ADAMTS18: variants seen among roughly 807,000 people sequenced by gnomAD.
ADAMTS18 encodes the protein ADAM metallopeptidase with thrombospondin type 1 motif 18, also known as A disintegrin and metalloproteinase with thrombospondin motifs 18.
In ADAMTS18, 157 loss-of-function variants were observed where a neutral mutation model predicts 165.9. That is an observed-to-expected ratio of 0.95 (90% confidence interval 0.83 to 1.08). The LOEUF (loss-of-function observed/expected upper bound fraction) is 1.08, where lower values mean the gene tolerates loss of function less well. ADAMTS18 is among the 50% of genes least tolerant of loss of function. ADAMTS18 has a pLI of 0.00. For synonymous variants in ADAMTS18, 782 were observed against 578.2 expected (o/e 1.35, Z -5.06); for missense variants, 2,040 against 1,534.0 (o/e 1.33, Z -5.51).
chr16:77,347,265 G>A (rs1247344952), intron 10 of ADAMTS18, among the ~76,000 whole-genome samples: 1 of 152,088 alleles, frequency 6.6e-6, no homozygotes, highest in Admixed American at 6.6e-5. Context: ...GAATGTTCTT[G>A]GACAAGCCTT....
intron 3 of ADAMTS18, among the ~76,000 whole-genome samples, chr16:77,392,187 G>C (rs1341750303): frequency 6.6e-6 from 1 of 152,164 alleles, no homozygotes; most frequent in African/African-American, 2.4e-5. Context: ...CCAAACCCTT[G>C]GCTGGCTCCT....
intron 3 of ADAMTS18, among the ~76,000 whole-genome samples, chr16:77,398,046 G>A (rs1328314493): frequency 6.6e-6 from 1 of 152,172 alleles, no homozygotes. Flanking sequence ...GCCGGGCATG[G>A]TGGCTCACAC....
At chr16:77,321,408 C>A (rs531932745) in intron 14 of ADAMTS18, among the ~76,000 whole-genome samples, 68 of 152,134 alleles carry the variant, frequency 4.5e-4, no homozygotes, top group Admixed American at 1.5e-3. Context: ...AGTTGTATAA[C>A]TCATCTAAGG....
At chr16:77,327,675 A>T (rs2056119500) in intron 12 of ADAMTS18, among the ~76,000 whole-genome samples, 1 of 152,196 alleles carries the variant, frequency 6.6e-6, no homozygotes, top group Admixed American at 6.5e-5. Context: ...GTGTTAAGGA[A>T]ATCTGTAAAC....
At chr16:77,350,468 T>A (rs2056540008) in intron 10 of ADAMTS18, among the ~76,000 whole-genome samples, 1 of 152,126 alleles carries the variant, frequency 6.6e-6, no homozygotes, top group South Asian at 2.1e-4. Flanking sequence ...TACCAAGAGA[T>A]GAATCCTCAC....
rs146103453 is a variant in ADAMTS18 at position 77,347,316 on chromosome 16, T to C, written c.1615-5517A>G. 2.8e-4 allele frequency among the ~76,000 whole-genome samples: 43 copies of C among 152,298 alleles called. No individual in the cohort carries two copies. In the East Asian group the frequency reaches 7.3e-3, roughly 26 times the overall value. On this transcript the variant is annotated intron_variant, in intron 10 of 22. Coordinates refer to ENST00000282849, the MANE Select transcript of ADAMTS18 (RefSeq NM_199355.4). ...CTTTATTTATTTCAGGTAGATACCA[T>C]GGAGTACATTTGCTGGGTCAAAGGG...
chr16:77,429,408 G>C (rs960159379), intron 3 of ADAMTS18, among the ~76,000 whole-genome samples: 1 of 152,094 alleles, frequency 6.6e-6, no homozygotes, highest in Non-Finnish European at 1.5e-5. Flanking sequence ...ACAAAGAAGG[G>C]AACAATAGAC....
intron 6 of ADAMTS18, among the ~76,000 whole-genome samples, chr16:77,363,472 G>A (rs982688217): frequency 1.3e-5 from 2 of 151,782 alleles, no homozygotes; most frequent in South Asian, 2.1e-4. Flanking sequence ...CCTGCTTTGC[G>A]AAGCCTACAT....
rs777088449 is a variant in ADAMTS18 at position 77,325,846 on chromosome 16, T to C, written c.2032+20A>G. ...TTATCCACATAGAGACTTATTTGAA[T>C]GTCATAGAGACCAAATTACCTTCCA... is the stretch of plus-strand genomic sequence containing the variant. On this transcript the variant is annotated intron_variant, in intron 13 of 22. Coordinates refer to ENST00000282849, the MANE Select transcript of ADAMTS18 (RefSeq NM_199355.4). The C allele has an allele frequency of 6.2e-6, 10 of 1,603,722 alleles. No individual in the cohort carries two copies. The highest frequency in any genetic ancestry group is 8.5e-6 in the Non-Finnish European group (10 of 1,171,640).
intron 3 of ADAMTS18, among the ~76,000 whole-genome samples, chr16:77,405,332 G>C (rs369894541): frequency 1.3e-5 from 2 of 152,172 alleles, no homozygotes; most frequent in Non-Finnish European, 2.9e-5. Context: ...CCACTTGGGA[G>C]AACAGCTTGC....
intron 3 of ADAMTS18, among the ~76,000 whole-genome samples, chr16:77,386,454 G>A (rs1011240118): frequency 1.3e-5 from 2 of 152,082 alleles, no homozygotes; most frequent in Non-Finnish European, 2.9e-5. Flanking sequence ...GCCCAATATT[G>A]TCATTTCATC....
chr16:77,367,457 A>C lies in ADAMTS18; in HGVS notation c.762T>G (p.Cys254Trp). 6.2e-7 allele frequency: 1 copy of C among 1,614,236 alleles called. No homozygotes were observed. Among genetic ancestry groups the C allele is most frequent in the Non-Finnish European group, 8.5e-7 (1 of 1,180,038 alleles). ...HHRRLQKQHF[C>W]GRRKKYAPKP... is the part of the protein sequence containing the mutation. ...CTTACATACATTTCTTGCGTCGTCC[A>C]CAAAAATGCTGCTTTTGCAACCTTC... The change falls in exon 4 of 23, where the codon TGT becomes TGG. Residue 254 changes from cysteine (C) to tryptophan (W), a missense_variant. By Grantham distance (215) the Cys-to-Trp change is radical. Transcript: ENST00000282849.
At position 77,300,496 on chromosome 16, in the gene ADAMTS18, T is replaced by C. The variant is rs1055040471; in HGVS notation, c.2533-92A>G. On this transcript the variant is annotated intron_variant, in intron 16 of 22. Coordinates refer to ENST00000282849, the MANE Select transcript of ADAMTS18 (RefSeq NM_199355.4). ...ACTGAACATTTTAAAGATATTTACA[T>C]GACATTTTGACCTTAACATTGGTAT... 5.6e-6 allele frequency: 8 copies of C among 1,432,690 alleles called. No individual in the cohort carries two copies. In the African/African-American group the frequency reaches 5.6e-5, roughly 10 times the overall value. The allele number at this position is 1,432,690 out of a possible 1,614,324, so 88.7% of individuals were successfully genotyped here.
intron 12 of ADAMTS18, among the ~76,000 whole-genome samples, chr16:77,331,451 C>T (rs1285548122): frequency 6.6e-6 from 1 of 152,090 alleles, no homozygotes; most frequent in Non-Finnish European, 1.5e-5. Flanking sequence ...AACTACCCTC[C>T]TGCTTAAACC....
chr16:77,295,002 G>A lies in ADAMTS18; in HGVS notation c.2927C>T (p.Pro976Leu). The A allele has an allele frequency of 6.2e-7, 1 of 1,614,140 alleles. No homozygotes were observed. ...KEEAVLHSLC[P>L]VSTPTQVQAC... Reference sequence around the variant, plus strand: ...TTGGACCTGAGTGGGTGTGCTCACTGGACAGAGAGAATGCAACACTGCTTC... The same window carrying A: ...TTGGACCTGAGTGGGTGTGCTCACTAGACAGAGAGAATGCAACACTGCTTC... Residue 976 changes from proline (P) to leucine (L), a missense_variant, in exon 19 of 23, where the codon CCA becomes CTA. Transcript: ENST00000282849.
At chr16:77,315,368 T>C (rs538767463) in intron 16 of ADAMTS18, among the ~76,000 whole-genome samples, 1 of 152,328 alleles carries the variant, frequency 6.6e-6, no homozygotes, top group Non-Finnish European at 1.5e-5. Flanking sequence ...AGCTCTTGCG[T>C]ATGAGATTCA....
intron 3 of ADAMTS18, among the ~76,000 whole-genome samples, chr16:77,420,537 T>A (rs1466197734): frequency 6.6e-6 from 1 of 152,202 alleles, no homozygotes; most frequent in Admixed American, 6.5e-5. Flanking sequence ...ACTTATGTGC[T>A]AGTCATACAC....
chr16:77,434,219 C>G (rs956740756), intron 2 of ADAMTS18, among the ~76,000 whole-genome samples, 199 bp downstream of exon 2: 1 of 151,792 alleles, frequency 6.6e-6, no homozygotes, highest in Admixed American at 6.6e-5. Flanking sequence ...TTTTATGTGA[C>G]TTGCAGCTCG....
At chr16:77,387,155 G>A (rs1224598596) in intron 3 of ADAMTS18, among the ~76,000 whole-genome samples, 5 of 152,132 alleles carry the variant, frequency 3.3e-5, no homozygotes, top group Admixed American at 1.3e-4. Flanking sequence ...TAAATGGAAT[G>A]TATGCAGTGA....
Sources: allele counts gnomAD v4.1 joint callset (sites outside exome capture counted in the v4.1 genomes callset), GRCh38; gene constraint gnomAD v4.1.1; transcripts MANE v1.5; gene names NCBI Gene and HGNC (gene_info 2026-07-23, HGNC 2026-07-21).